The following DMD variants were observed in gnomAD, a reference collection of about 807,000 sequenced individuals.
DMD encodes dystrophin.
In DMD, 63 loss-of-function variants were observed where a neutral mutation model predicts 330.1. The observed-to-expected ratio is 0.19, with a 90% CI of 0.16 to 0.24. DMD has a LOEUF of 0.24. Among genes scored for constraint, DMD ranks in the 10% least tolerant of loss-of-function variants. The pLI is 1.00. For synonymous variants in DMD, 1,223 were observed against 959.8 expected (o/e 1.27, Z -5.07); for missense variants, 3,344 against 2,684.1 (o/e 1.25, Z -5.43).
intron 44 of DMD, among the ~76,000 whole-genome samples, chrX:32,058,688 A>C: frequency 9.1e-6 from 1 of 110,336 alleles, no homozygotes; most frequent in Middle Eastern, 4.6e-3. Context: ...AACAATATGG[A>C]GTTTCCTCAA....
intron 59 of DMD, among the ~76,000 whole-genome samples, chrX:31,463,569 G>A (rs1396152213): frequency 3.6e-5 from 4 of 111,939 alleles, no homozygotes; most frequent in African/African-American, 9.7e-5. Context: ...TTTACTGAAC[G>A]GTAGGAGAGT....
chrX:31,291,155 C>T (rs1047697793), intron 62 of DMD, among the ~76,000 whole-genome samples: 1 of 111,093 alleles, frequency 9.0e-6, no homozygotes, highest in African/African-American at 3.3e-5. Flanking sequence ...TGCTATTACG[C>T]TTTTCATTAG....
intron 13 of DMD, among the ~76,000 whole-genome samples, chrX:32,582,709 C>G (rs986125960): frequency 5.4e-5 from 6 of 111,395 alleles, no homozygotes; most frequent in Admixed American, 1.9e-4. Flanking sequence ...TTTTACTGAC[C>G]AACTGACCAA....
intron 2 of DMD, among the ~76,000 whole-genome samples, chrX:32,945,259 TG>T (rs1205162084): frequency 9.0e-6 from 1 of 111,710 alleles, no homozygotes; most frequent in African/African-American, 3.3e-5. Context: ...TGAACTTCTG[TG>T]GAAAATGATA....
At chrX:32,821,543 G>C (rs900249041) in intron 5 of DMD, among the ~76,000 whole-genome samples, 1 of 109,182 alleles carries the variant, frequency 9.2e-6, no homozygotes, top group Admixed American at 9.8e-5. Flanking sequence ...AGCCGAGATC[G>C]CGCCACTGCA....
At chrX:31,418,873 C>T (rs1372024774) in intron 60 of DMD, among the ~76,000 whole-genome samples, 1 of 112,441 alleles carries the variant, frequency 8.9e-6, no homozygotes, top group Admixed American at 9.4e-5. Context: ...CTTCTGCCTT[C>T]GGTGATGACT....
chrX:32,309,885 T>C (rs909779516), intron 42 of DMD, among the ~76,000 whole-genome samples, 197 bp downstream of exon 42: 3 of 111,214 alleles, frequency 2.7e-5, no homozygotes, highest in Non-Finnish European at 3.8e-5. Flanking sequence ...AAGCTAAATA[T>C]TGTAAAATAC....
At chrX:32,487,329 C>A (rs2042582054) in intron 20 of DMD, among the ~76,000 whole-genome samples, 1 of 111,320 alleles carries the variant, frequency 9.0e-6, no homozygotes, top group Admixed American at 9.6e-5. Flanking sequence ...TGGCTGCTTA[C>A]TTACAATTCA....
At chrX:32,758,903 G>A (rs1445390237) in intron 7 of DMD, among the ~76,000 whole-genome samples, 8 of 111,290 alleles carry the variant, frequency 7.2e-5, no homozygotes, top group African/African-American at 2.6e-4. Flanking sequence ...CATGTAAAAT[G>A]AAAAAAATAA....
chrX:32,646,920 G>T (rs987958776), intron 9 of DMD, among the ~76,000 whole-genome samples: 4 of 111,235 alleles, frequency 3.6e-5, no homozygotes, highest in African/African-American at 1.3e-4. Context: ...CTATTTGCAT[G>T]GAACCCTTGT....
intron 12 of DMD, among the ~76,000 whole-genome samples, chrX:32,598,493 T>G (rs1056206798): frequency 8.9e-6 from 1 of 112,030 alleles, no homozygotes; most frequent in African/African-American, 3.2e-5. Context: ...TTTAGTCAAT[T>G]CTTTTCTGTC....
intron 52 of DMD, among the ~76,000 whole-genome samples, chrX:31,708,276 C>A (rs1236043420): frequency 1.8e-5 from 2 of 111,245 alleles, no homozygotes; most frequent in Non-Finnish European, 3.8e-5. Context: ...ATAATGACAC[C>A]CCAAGGGAGT....
intron 60 of DMD, among the ~76,000 whole-genome samples, chrX:31,350,626 TGTGTGTGAGAGAGAGAGA>T (rs1397376097): frequency 2.3e-4 from 11 of 48,271 alleles, no homozygotes; most frequent in African/African-American, 9.1e-4. Flanking sequence ...TGTGTGTGTG[TGTGTGTGAGAGAGAGAGA>T]GAGAGAGAGA....
At chrX:31,522,363 C>CTCTCTCTCTCTCTCTCTCTATA in intron 55 of DMD, among the ~76,000 whole-genome samples, 5 of 35,962 alleles carry the variant, frequency 1.4e-4, no homozygotes, top group African/African-American at 5.7e-4. Flanking sequence ...CTCTCTCTCT[C>CTCTCTCTCTCTCTCTCTCTATA]TATATATATA....
chrX:31,309,899 G>A (rs1185836762), intron 62 of DMD, among the ~76,000 whole-genome samples: 1 of 111,482 alleles, frequency 9.0e-6, no homozygotes, highest in Non-Finnish European at 1.9e-5. Context: ...TCTCCAGCCA[G>A]CCACGACTCA....
At chrX:31,912,885 T>C (rs990528842) in intron 47 of DMD, among the ~76,000 whole-genome samples, 14 of 112,880 alleles carry the variant, frequency 1.2e-4, no homozygotes, top group African/African-American at 4.5e-4. Flanking sequence ...AATGGGATAG[T>C]AGCAAGTGTG....
intron 60 of DMD, among the ~76,000 whole-genome samples, chrX:31,351,725 C>CAAAAAAAAAAAAAAAA (rs3061693): frequency 3.8e-4 from 20 of 53,025 alleles, no homozygotes; most frequent in African/African-American, 6.0e-4. Flanking sequence ...GACTCCATCT[C>CAAAAAAAAAAAAAAAA]AAAAAAAAAA....
At chrX:33,052,841 T>C (rs2094473282) in intron 1 of DMD, among the ~76,000 whole-genome samples, 1 of 102,550 alleles carries the variant, frequency 9.8e-6, no homozygotes, top group Admixed American at 1.1e-4. Flanking sequence ...ACACAAAGGA[T>C]AAATGCTTAA....
At chrX:32,252,347 T>C (rs2097266830) in intron 43 of DMD, among the ~76,000 whole-genome samples, 1 of 109,403 alleles carries the variant, frequency 9.1e-6, no homozygotes, top group Non-Finnish European at 1.9e-5. Context: ...TAGCTCCTTA[T>C]ACTTTTCATT....
Sources: allele counts gnomAD v4.1 joint callset (sites outside exome capture counted in the v4.1 genomes callset), GRCh38; gene constraint gnomAD v4.1.1; transcripts MANE v1.5; gene names NCBI Gene and HGNC (gene_info 2026-07-23, HGNC 2026-07-21).